Variants in AKAP10 observed in about 807,000 individuals in gnomAD.
AKAP10 encodes A-kinase anchor protein 10, mitochondrial.
Under a neutral mutation model 80.8 loss-of-function variants are expected in AKAP10, and 24 were observed. The ratio of observed to expected loss-of-function variants is 0.30; its 90% confidence interval spans 0.22 to 0.42. The LOEUF (loss-of-function observed/expected upper bound fraction) is 0.42, where lower values mean the gene tolerates loss of function less well. AKAP10 is among the 10% of genes least tolerant of loss of function. The probability of loss-of-function intolerance (pLI) is 1.00; values close to 1 mark genes in which losing one functional copy is unlikely to be tolerated. For missense variants in AKAP10, 661 were observed against 794.9 expected (o/e 0.83, Z 2.03); for synonymous variants, 291 against 277.7 (o/e 1.05, Z -0.48).
In AKAP10 at chr17:19,915,584, G is replaced by T. The variant is rs116475999; in HGVS notation, c.1834+4452C>A. Among the ~76,000 whole-genome samples the T allele has an allele frequency of 4.4e-3, 668 of 152,334 alleles. 4 individuals are homozygous for T. The highest frequency in any genetic ancestry group is 0.015 in the African/African-American group (627 of 41,566). On this transcript the variant is annotated intron_variant, in intron 12 of 14. Coordinates refer to ENST00000225737, the MANE Select transcript of AKAP10 (RefSeq NM_007202.4). ...AAAAGAAGAACCAGGATATACAGGG[G>T]TGTTTAACCAAACTGCAGAAATTCC...
In AKAP10 at chr17:19,939,729, T is replaced by C. The variant is rs1315154234; in HGVS notation, c.1306A>G (p.Met436Val). The C allele has an allele frequency of 6.2e-7, 1 of 1,613,624 alleles. No individual in the cohort carries two copies. The highest frequency in any genetic ancestry group is 1.7e-5 in the Admixed American group (1 of 59,936). ...YDGQEAQNDA[M>V]ILYDKYFSLQ... ...ATAACTCACTTGTCATATAAAATCA[T>C]GGCATCATTCTGTGCCTCCTGTCCA... Residue 436 changes from methionine (M) to valine (V), a missense_variant, in exon 8 of 15, where the codon ATG becomes GTG. Transcript: ENST00000225737.
chr17:19,931,084 G>A (rs1169941449), intron 10 of AKAP10, among the ~76,000 whole-genome samples: 6 of 152,000 alleles, frequency 3.9e-5, no homozygotes, highest in African/African-American at 1.4e-4. Context: ...TGTGGTGGGT[G>A]GATTATTTGA....
At chr17:19,919,056 C>A (rs2042781967) in intron 12 of AKAP10, among the ~76,000 whole-genome samples, 1 of 151,660 alleles carries the variant, frequency 6.6e-6, no homozygotes, top group Non-Finnish European at 1.5e-5. Context: ...AGGTATATCT[C>A]CTAATGCTAT....
intron 4 of AKAP10, among the ~76,000 whole-genome samples, chr17:19,957,357 T>C (rs371524294): frequency 2.6e-5 from 4 of 151,924 alleles, no homozygotes; most frequent in East Asian, 3.9e-4. Context: ...CTGGCGAACA[T>C]GGTGAAACCC....
intron 9 of AKAP10, among the ~76,000 whole-genome samples, chr17:19,932,943 G>A (rs2042952900): frequency 6.6e-6 from 1 of 151,874 alleles, no homozygotes; most frequent in Non-Finnish European, 1.5e-5. Context: ...AACTGGACAA[G>A]CAAATAATAA....
In AKAP10 at chr17:19,965,398, A is replaced by T. The variant is rs893877041; in HGVS notation, c.137-2376T>A. On this transcript the variant is annotated intron_variant, in intron 2 of 14. Transcript: ENST00000225737. ...TCTCCATCCTGCAAATCTCTTCCAG[A>T]CTAACCTTTCATAAACACCATACTT... 4.6e-5 allele frequency among the ~76,000 whole-genome samples: 7 copies of T among 152,184 alleles called. No homozygotes were observed. The East Asian group carries it at 9.6e-4, about 21-fold the overall frequency.
intron 12 of AKAP10, among the ~76,000 whole-genome samples, chr17:19,912,729 G>A (rs910650862): frequency 6.6e-6 from 1 of 152,056 alleles, no homozygotes; most frequent in East Asian, 1.9e-4. Flanking sequence ...AGAAAACTCA[G>A]TCTTTTCCTC....
At chr17:19,955,665 T>C (rs1458028341) in intron 4 of AKAP10, among the ~76,000 whole-genome samples, 2 of 152,034 alleles carry the variant, frequency 1.3e-5, no homozygotes, top group African/African-American at 4.8e-5. Context: ...CGAAACCCCA[T>C]CTCTTCTAAA....
intron 12 of AKAP10, among the ~76,000 whole-genome samples, chr17:19,915,193 C>G (rs2042731603): frequency 2.0e-5 from 3 of 152,168 alleles, no homozygotes. Context: ...TTCAAAAACA[C>G]CATATACAAC....
intron 1 of AKAP10, among the ~76,000 whole-genome samples, chr17:19,971,533 A>C (rs1236696471): frequency 6.6e-6 from 1 of 152,054 alleles, no homozygotes; most frequent in Non-Finnish European, 1.5e-5. Flanking sequence ...AATTAATTAC[A>C]CAAATGACAC....
At chr17:19,950,932 G>C (rs2043197047) in intron 4 of AKAP10, among the ~76,000 whole-genome samples, 1 of 151,784 alleles carries the variant, frequency 6.6e-6, no homozygotes, top group African/African-American at 2.4e-5. Flanking sequence ...CCCCGTCTGG[G>C]ATGGGAGGAG....
intron 11 of AKAP10, among the ~76,000 whole-genome samples, chr17:19,920,529 G>C (rs1252099505): frequency 6.6e-6 from 1 of 152,094 alleles, no homozygotes; most frequent in Non-Finnish European, 1.5e-5. Context: ...TAAAACTATA[G>C]TACTATAAAA....
chr17:19,934,223 C>T (rs850622), intron 9 of AKAP10, among the ~76,000 whole-genome samples: 32,372 of 152,026 alleles, frequency 0.21, 3,678 homozygotes, highest in Middle Eastern at 0.3. Flanking sequence ...GCCTAGCCAA[C>T]GCTTTATTAT....
At chr17:19,955,171 G>A (rs751112601) in intron 4 of AKAP10, among the ~76,000 whole-genome samples, 29 of 151,764 alleles carry the variant, frequency 1.9e-4, no homozygotes, top group Admixed American at 3.3e-4. Context: ...GCAGTGAGCC[G>A]AGATTGCCTC....
chr17:19,946,251 ATATAT>A (rs1567765679), intron 5 of AKAP10, among the ~76,000 whole-genome samples: 2 of 19,358 alleles, frequency 1.0e-4, no homozygotes, highest in African/African-American at 4.4e-4. Context: ...ATATATATAT[ATATAT>A]ATATATATAT....
At chr17:19,974,129 T>C (rs1434378721) in intron 1 of AKAP10, among the ~76,000 whole-genome samples, 5 of 151,896 alleles carry the variant, frequency 3.3e-5, no homozygotes, top group Non-Finnish European at 7.4e-5. Flanking sequence ...GAGGCGGAGG[T>C]TGCAGTGAGC....
At chr17:19,933,408 A>AT (rs1368769602) in intron 9 of AKAP10, among the ~76,000 whole-genome samples, 2 of 152,214 alleles carry the variant, frequency 1.3e-5, no homozygotes, top group African/African-American at 4.8e-5. Flanking sequence ...TAGCACAGAA[A>AT]TACTCAAAGT....
At chr17:19,909,522 A>C (rs1443169070) in intron 13 of AKAP10, among the ~76,000 whole-genome samples, 4 of 152,226 alleles carry the variant, frequency 2.6e-5, no homozygotes. Context: ...GATGGTCAAA[A>C]TAAAACATTT....
chr17:19,946,229 TA>T (rs2043110887), intron 5 of AKAP10, among the ~76,000 whole-genome samples: 1 of 18,460 alleles, frequency 5.4e-5, no homozygotes, highest in Admixed American at 8.4e-4. Context: ...ATTTTATATA[TA>T]TATATATTAT....
Sources: allele counts gnomAD v4.1 joint callset (sites outside exome capture counted in the v4.1 genomes callset), GRCh38; gene constraint gnomAD v4.1.1; transcripts MANE v1.5; gene names NCBI Gene and HGNC (gene_info 2026-07-23, HGNC 2026-07-21).